Variants in PIGK observed in about 807,000 individuals in gnomAD.
PIGK encodes the protein phosphatidylinositol glycan anchor biosynthesis class K.
Under a neutral mutation model 50.6 loss-of-function variants are expected in PIGK, and 42 were observed. That is an observed-to-expected ratio of 0.83 (90% CI 0.65 to 1.07). The LOEUF (loss-of-function observed/expected upper bound fraction) is 1.07. Among genes scored for constraint, PIGK ranks in the 50% least tolerant of loss-of-function variants. PIGK has a pLI of 0.00. For missense variants in PIGK, 448 were observed against 488.7 expected (o/e 0.92, Z 0.78); for synonymous variants, 151 against 156.0 (o/e 0.97, Z 0.24).
intron 3 of PIGK, among the ~76,000 whole-genome samples, chr1:77,173,267 C>T (rs1362750887): frequency 1.3e-5 from 2 of 152,086 alleles, no homozygotes; most frequent in East Asian, 1.9e-4. Context: ...GTCTCATCTA[C>T]GGATGCCTAC....
chr1:77,182,129 C>G (rs1485600681), intron 3 of PIGK, among the ~76,000 whole-genome samples: 1 of 152,124 alleles, frequency 6.6e-6, no homozygotes, highest in African/African-American at 2.4e-5. Flanking sequence ...ATCACAGAGA[C>G]AAATTACATG....
Position 77,092,471 on chromosome 1 carries a change from C to T in PIGK, c.1091G>A (p.Trp364Ter), listed in dbSNP as rs1570173649. The change falls in exon 11 of 11, where the codon TGG (tryptophan) becomes TAG (stop). Residue 364 changes from tryptophan to a stop codon, truncating the protein, a stop_gained. Transcript: ENST00000370812. LOFTEE classifies it high-confidence loss of function. ...CAGAATAAAGCCCCCAGGAGGATGCCAGTCTTTCAGCTTCGGTTTCTGCAA... is the reference window on the plus strand; with the variant it reads ...CAGAATAAAGCCCCCAGGAGGATGCTAGTCTTTCAGCTTCGGTTTCTGCAA... Reference protein sequence around the residue: ...IIHQKPKLKDWHPPGGFILGL... With the variant: ...IIHQKPKLKD 6.3e-7 allele frequency: 1 copy of T among 1,587,590 alleles called. No homozygotes were observed. The highest frequency in any genetic ancestry group is 1.4e-5 in the African/African-American group (1 of 73,918).
chr1:77,218,531 A>G (rs74092466), intron 1 of PIGK, among the ~76,000 whole-genome samples: 17,214 of 152,136 alleles, frequency 0.11, 1,330 homozygotes, highest in African/African-American at 0.21. Context: ...GGAGGAGAAA[A>G]GGGGTGCTTA....
intron 1 of PIGK, among the ~76,000 whole-genome samples, chr1:77,211,128 C>T (rs1423840072): frequency 6.6e-6 from 1 of 151,890 alleles, no homozygotes; most frequent in Non-Finnish European, 1.5e-5. Context: ...ATATAATTAA[C>T]TTATTTATTA....
chr1:77,098,279 G>A (rs1443104904), intron 10 of PIGK, among the ~76,000 whole-genome samples: 2 of 151,702 alleles, frequency 1.3e-5, no homozygotes, highest in African/African-American at 2.4e-5. Context: ...GAATCTGTAC[G>A]ATAAGGCTAT....
At chr1:77,159,692 A>G (rs116650255) in intron 8 of PIGK, among the ~76,000 whole-genome samples, 72 of 152,310 alleles carry the variant, frequency 4.7e-4, no homozygotes, top group African/African-American at 1.5e-3. Context: ...TGACTGCCCT[A>G]TTGGATTTCT....
At chr1:77,195,330 C>A in intron 3 of PIGK, 1 of 1,305,950 alleles carries the variant, frequency 7.7e-7, no homozygotes, top group Non-Finnish European at 1.1e-6. Flanking sequence ...GCAAGACCAC[C>A]AAGTTGAGCC....
chr1:77,209,286 A>C (rs898059564), intron 2 of PIGK, among the ~76,000 whole-genome samples: 1 of 152,170 alleles, frequency 6.6e-6, no homozygotes, highest in African/African-American at 2.4e-5. Context: ...AGGAAAAACA[A>C]ATTTGATTAT....
intron 1 of PIGK, among the ~76,000 whole-genome samples, chr1:77,218,940 T>G (rs1225272556): frequency 1.3e-5 from 2 of 152,166 alleles, no homozygotes; most frequent in Non-Finnish European, 2.9e-5. Flanking sequence ...AAAATTGCCC[T>G]CATCTCTCCA....
At chr1:77,121,486 T>G (rs1453721790) in intron 10 of PIGK, among the ~76,000 whole-genome samples, 1 of 152,196 alleles carries the variant, frequency 6.6e-6, no homozygotes, top group East Asian at 1.9e-4. Flanking sequence ...ACATATCAGC[T>G]AAATAAAAAT....
chr1:77,152,397 C>G (rs977375295), intron 9 of PIGK, among the ~76,000 whole-genome samples: 2 of 151,926 alleles, frequency 1.3e-5, no homozygotes, highest in African/African-American at 4.8e-5. Context: ...TGTGACACTA[C>G]TAAAAGGAAA....
chr1:77,188,537 C>T (rs575787409), intron 3 of PIGK, among the ~76,000 whole-genome samples: 2 of 152,126 alleles, frequency 1.3e-5, no homozygotes, highest in South Asian at 2.1e-4. Context: ...AATTTCACCT[C>T]GGTCCTGTGG....
intron 3 of PIGK, among the ~76,000 whole-genome samples, chr1:77,204,173 C>T (rs947705174): frequency 6.6e-6 from 1 of 152,058 alleles, no homozygotes; most frequent in Non-Finnish European, 1.5e-5. Context: ...AAGGAACAGC[C>T]CTGAGAAAGA....
intron 3 of PIGK, among the ~76,000 whole-genome samples, chr1:77,178,760 T>C (rs1041274972): frequency 6.6e-6 from 1 of 152,206 alleles, no homozygotes; most frequent in African/African-American, 2.4e-5. Flanking sequence ...TTTAAATGTT[T>C]ACAAGTCAGC....
chr1:77,200,937 G>T (rs949619922), intron 3 of PIGK, among the ~76,000 whole-genome samples: 5 of 152,176 alleles, frequency 3.3e-5, no homozygotes, highest in African/African-American at 1.2e-4. Flanking sequence ...GATAGTGAAT[G>T]TGTATTACAA....
rs989770082 is a variant in PIGK, at chr1:77,217,937, C to T, written c.93+1373G>A. Among the ~76,000 whole-genome samples, 7 of 152,036 alleles carry T rather than the reference C, an allele frequency of 4.6e-5. No individual in the cohort carries two copies. In the South Asian group the frequency reaches 1.5e-3, roughly 32 times the overall value. On this transcript the variant is annotated intron_variant, in intron 1 of 10. Transcript: ENST00000370812. ...GTAATAGTATCCAAGATGAAGCAGT[C>T]AAAGTTAGAATAAAGGAGGGAAACA...
chr1:77,166,283 TTAAG>T (rs1370675703), intron 5 of PIGK, among the ~76,000 whole-genome samples: 2 of 151,954 alleles, frequency 1.3e-5, no homozygotes, highest in Non-Finnish European at 2.9e-5. Flanking sequence ...CAGATGAAAA[TTAAG>T]TAAGAATTCT....
intron 1 of PIGK, among the ~76,000 whole-genome samples, chr1:77,212,266 T>C (rs962298723): frequency 6.6e-6 from 1 of 152,150 alleles, no homozygotes; most frequent in African/African-American, 2.4e-5. Context: ...TCAGAATGTC[T>C]AGGTTCGAAT....
intron 9 of PIGK, among the ~76,000 whole-genome samples, chr1:77,124,479 C>T (rs1387697031): frequency 6.6e-6 from 1 of 151,858 alleles, no homozygotes; most frequent in African/African-American, 2.4e-5. Context: ...CATGGTGGTG[C>T]GCACCTGTAG....
Sources: gnomAD v4.1 joint callset for allele counts (sites outside exome capture counted in the v4.1 genomes callset) on GRCh38, gnomAD v4.1.1 for gene constraint, MANE v1.5 for transcripts, NCBI Gene and HGNC (gene_info 2026-07-23, HGNC 2026-07-21) for gene names.